The following DNLZ variants were observed in gnomAD, a reference collection of about 807,000 sequenced individuals.
DNLZ encodes the protein DNL-type zinc finger.
In DNLZ, 15 loss-of-function variants were observed where a neutral mutation model predicts 7.8. The ratio of observed to expected loss-of-function variants is 1.91; its 90% CI spans 1.28 to 2.95. The LOEUF (loss-of-function observed/expected upper bound fraction) is 2.95, where lower values mean the gene tolerates loss of function less well. Ranked by LOEUF, DNLZ falls within the 30% of genes most tolerant of loss-of-function variation. DNLZ has a pLI of 0.00. For synonymous variants in DNLZ, 123 were observed against 77.8 expected, an observed-to-expected ratio of 1.58 and a Z score of -3.05; for missense variants, 255 against 167.3, an observed-to-expected ratio of 1.52 and a Z score of -2.89.
intron 2 of DNLZ, 35 bp from the exon 3 acceptor site, chr9:136,362,215 C>A: frequency 1.4e-6 from 2 of 1,447,368 alleles, no homozygotes; most frequent in Non-Finnish European, 1.8e-6. Context: ...CTCTTCAGGG[C>A]CCCCCAGCCG....
In DNLZ at chr9:136,360,578, CA is replaced by C. The variant is rs1313222166; in HGVS notation, c.*1433del. 6.6e-6 allele frequency: 1 copy of C among 152,110 alleles called. No homozygotes were observed. Among genetic ancestry groups the C allele is most frequent in the East Asian group, 1.9e-4 (1 of 5,176 alleles). 9.4% of individuals were successfully genotyped at this position (152,110 alleles called of 1,614,324 possible). ...GGGAAGGGCGGAGGGAGACAGGGTC[CA>C]GGGGGCCTCAGGCAGGAGCTGGCGG... On this transcript the variant is annotated 3_prime_UTR_variant, in exon 3 of 3. Transcript: ENST00000371738.
chr9:136,362,872 GGT>G, intron 2 of DNLZ, 115 bp downstream of exon 2: 1 of 886,398 alleles, frequency 1.1e-6, no homozygotes, highest in Middle Eastern at 2.2e-4. Flanking sequence ...GTATTGATAA[GGT>G]GGCTGGATTT....
rs202220572 is a variant in DNLZ, at chr9:136,363,055, G to A, written c.302C>T (p.Pro101Leu). The change falls in exon 2 of 3, where the codon CCC becomes CTC. Residue 101 changes from proline to leucine, a missense_variant. Transcript: ENST00000371738. ...YHQGVVIVTC[P>L]GCQNHHIIAD... ...GATGATATGGTGGTTCTGGCAGCCG[G>A]GGCAGGTCACAATGACCACGCCTTG... is the stretch of plus-strand genomic sequence containing the variant. 6 of 1,613,766 alleles carry A rather than the reference G, an allele frequency of 3.7e-6. No homozygotes were observed. Among genetic ancestry groups the A allele is most frequent in the East Asian group, 4.5e-5 (2 of 44,888 alleles).
In DNLZ at chr9:136,359,592, G is replaced by C. The variant is rs1832945137; in HGVS notation, c.*2420C>G. On this transcript the variant is annotated 3_prime_UTR_variant, in exon 3 of 3. Coordinates refer to ENST00000371738, the MANE Select transcript of DNLZ (RefSeq NM_001080849.3). ...CTGTTTTTCCTGAAAAATAAAGTCG[G>C]CCAAGTGAGTGTGGTCCGTATGGGC... 1 of 152,402 alleles carries C rather than the reference G, an allele frequency of 6.6e-6. No individual in the cohort carries two copies. The highest frequency in any genetic ancestry group is 1.5e-5 in the Non-Finnish European group (1 of 68,074). 9.4% of individuals were successfully genotyped at this position (152,402 alleles called of 1,614,324 possible). A position where few individuals can be genotyped will look rare whatever the true frequency, so the allele number is the denominator to read the frequency against.
At chr9:136,362,790 C>A (rs938042532) in intron 2 of DNLZ, among the ~76,000 whole-genome samples, 199 bp downstream of exon 2, 1 of 152,236 alleles carries the variant, frequency 6.6e-6, no homozygotes, top group Non-Finnish European at 1.5e-5. Context: ...AAACGCACCC[C>A]CTACTTGGGG....
Position 136,363,047 on chromosome 9 carries a change from G to C in DNLZ, c.310C>G (p.Gln104Glu). Residue 104 changes from glutamine (Q) to glutamate (E), a missense_variant, in exon 2 of 3, where the codon CAG becomes GAG. By Grantham distance (29) the Gln-to-Glu change is conservative. Coordinates refer to ENST00000371738, the MANE Select transcript of DNLZ (RefSeq NM_001080849.3). Reference protein sequence around the residue: ...GVVIVTCPGCQNHHIIADNLG... With the variant: ...GVVIVTCPGCENHHIIADNLG... ...TTGTCAGCGATGATATGGTGGTTCT[G>C]GCAGCCGGGGCAGGTCACAATGACC... The C allele has an allele frequency of 6.2e-7, 1 of 1,613,806 alleles. No homozygotes were observed. The highest frequency in any genetic ancestry group is 8.5e-7 in the Non-Finnish European group (1 of 1,179,978).
In DNLZ at chr9:136,362,057, A is replaced by G; in HGVS notation, c.492T>C (p.Gly164=). 7.1e-7 allele frequency: 1 copy of G among 1,417,838 alleles called. No individual in the cohort carries two copies. The highest frequency in any genetic ancestry group is 9.3e-7 in the Non-Finnish European group (1 of 1,077,588). The allele number at this position is 1,417,838 out of a possible 1,614,324, so 87.8% of individuals were successfully genotyped here. A position where few individuals can be genotyped will look rare whatever the true frequency, so the allele number is the denominator to read the frequency against. The change falls in exon 3 of 3, where the codon GGT becomes GGC. Residue 164 remains glycine, a synonymous_variant. Coordinates refer to ENST00000371738, the MANE Select transcript of DNLZ (RefSeq NM_001080849.3). ...CAGGGCTGGGGGGACCCTCATCCTC[A>G]CCCGCTTCCGGAGCTGCAGTGGATG... ...APTSTAAPEA[G]EDEGPPSPGK...
At position 136,361,613 on chromosome 9, in the gene DNLZ, G is replaced by C. The variant is rs1564363561; in HGVS notation, c.*399C>G. On this transcript the variant is annotated 3_prime_UTR_variant, in exon 3 of 3. Transcript: ENST00000371738. Reference sequence around the variant, plus strand: ...TCACGGAAGGGAGGCCGCCAGAGCTGGCCAGGGGGGCGGCAAGGGCCTTGC... The same window carrying C: ...TCACGGAAGGGAGGCCGCCAGAGCTCGCCAGGGGGGCGGCAAGGGCCTTGC... 5.8e-6 allele frequency: 1 copy of C among 172,752 alleles called. No individual in the cohort carries two copies. Among genetic ancestry groups the C allele is most frequent in the Non-Finnish European group, 1.2e-5 (1 of 82,048 alleles). The allele number at this position is 172,752 out of a possible 1,614,324, so 10.7% of individuals were successfully genotyped here.
chr9:136,362,691 G>A lies in DNLZ; in HGVS notation c.368+298C>T, dbSNP rs549671002. 2.6e-5 allele frequency among the ~76,000 whole-genome samples: 4 copies of A among 152,326 alleles called. 1 individual carries two copies. In the South Asian group the frequency reaches 8.3e-4, roughly 32 times the overall value. On this transcript the variant is annotated intron_variant, in intron 2 of 2. Transcript: ENST00000371738. ...ATGGCAGAGGGCAAAAAAGTTCCAC[G>A]CTAGAGAGGGACAAGGCTGCCAGTG...
rs778553716 is a variant in DNLZ, at chr9:136,362,009, G to T, written c.*3C>A. 7.7e-7 allele frequency: 1 copy of T among 1,305,212 alleles called. No homozygotes were observed. The allele number at this position is 1,305,212 out of a possible 1,614,324, so 80.9% of individuals were successfully genotyped here. A position where few individuals can be genotyped will look rare whatever the true frequency, so the allele number is the denominator to read the frequency against. ...AGTCCCACAGTGCCGGGGAGCGCAG[G>T]AGTCAGCTCGGCTCCGTCTTGCCAG... On this transcript the variant is annotated 3_prime_UTR_variant, in exon 3 of 3. Coordinates refer to ENST00000371738, the MANE Select transcript of DNLZ (RefSeq NM_001080849.3).
chr9:136,362,618 A>C (rs193056378), intron 2 of DNLZ, among the ~76,000 whole-genome samples: 51 of 152,042 alleles, frequency 3.4e-4, no homozygotes, highest in African/African-American at 1.1e-3. Flanking sequence ...CCCAGGCCAC[A>C]CCTCCTGGTC....
chr9:136,360,620 C>G lies in DNLZ; in HGVS notation c.*1392G>C, dbSNP rs534078131. The G allele has an allele frequency of 2.6e-5, 4 of 151,896 alleles. No individual in the cohort carries two copies. Among genetic ancestry groups the G allele is most frequent in the African/African-American group, 9.7e-5 (4 of 41,306 alleles). 9.4% of individuals were successfully genotyped at this position (151,896 alleles called of 1,614,324 possible). On this transcript the variant is annotated 3_prime_UTR_variant, in exon 3 of 3. Transcript: ENST00000371738. The stretch of plus-strand genomic sequence containing the variant: ...GAGCTGGCGGGATGCTTCTGGCACG[C>G]GGGGGGTAGCCATAGGTCTTCTCTA...
chr9:136,363,240 C>A, intron 1 of DNLZ, 112 bp from the exon 2 acceptor site: 1 of 1,314,836 alleles, frequency 7.6e-7, no homozygotes, highest in Non-Finnish European at 1.1e-6. Context: ...GAGAAGGCCC[C>A]GCCCCCGAGG....
rs773274747 is a variant in DNLZ at position 136,362,186 on chromosome 9, G to A, written c.369-6C>T. The A allele has an allele frequency of 4.1e-6, 6 of 1,480,096 alleles. No homozygotes were observed. The highest frequency in any genetic ancestry group is 5.4e-6 in the Non-Finnish European group (6 of 1,118,572). The allele number at this position is 1,480,096 out of a possible 1,614,324, so 91.7% of individuals were successfully genotyped here. On this transcript the variant is annotated splice_region_variant and splice_polypyrimidine_tract_variant and intron_variant, in intron 2 of 2. Coordinates refer to ENST00000371738, the MANE Select transcript of DNLZ (RefSeq NM_001080849.3). Reference sequence around the variant, plus strand: ...TCAGGATCTCTTCGATATTTCTGGGGGGCAGGGAGGCAACATGGCTCTTCA... The same window carrying A: ...TCAGGATCTCTTCGATATTTCTGGGAGGCAGGGAGGCAACATGGCTCTTCA...
At position 136,361,346 on chromosome 9, in the gene DNLZ, C is replaced by T. The variant is rs191725951; in HGVS notation, c.*666G>A. On this transcript the variant is annotated 3_prime_UTR_variant, in exon 3 of 3. Coordinates refer to ENST00000371738, the MANE Select transcript of DNLZ (RefSeq NM_001080849.3). The stretch of plus-strand genomic sequence containing the variant: ...TTGCTCGCTTTCATAAACACGGGAA[C>T]ATCCTGCGCACAGACAAGGCTGGGA... 1.8e-3 allele frequency: 279 copies of T among 152,440 alleles called. 1 individual carries two copies. The highest frequency in any genetic ancestry group is 2.3e-3 in the Non-Finnish European group (159 of 68,074). 9.4% of individuals were successfully genotyped at this position (152,440 alleles called of 1,614,324 possible).
At position 136,361,740 on chromosome 9, in the gene DNLZ, T is replaced by C. The variant is rs969241779; in HGVS notation, c.*272A>G. On this transcript the variant is annotated 3_prime_UTR_variant, in exon 3 of 3. Transcript: ENST00000371738. The stretch of plus-strand genomic sequence containing the variant: ...ACATCCAGCCCCCTTTCCACGCGAC[T>C]GTGGCCTCTGTGGGCAAGAGCTGGG... 1.7e-5 allele frequency: 6 copies of C among 362,342 alleles called. No homozygotes were observed. The highest frequency in any genetic ancestry group is 1.2e-4 in the African/African-American group (6 of 48,006). The allele number at this position is 362,342 out of a possible 1,614,324, so 22.4% of individuals were successfully genotyped here. A position where few individuals can be genotyped will look rare whatever the true frequency, so the allele number is the denominator to read the frequency against.
chr9:136,363,493 G>A lies in DNLZ; in HGVS notation c.222C>T (p.Thr74=), dbSNP rs1833024219. 2.6e-6 allele frequency: 2 copies of A among 761,034 alleles called. No individual in the cohort carries two copies. The highest frequency in any genetic ancestry group is 2.6e-4 in the Middle Eastern group (1 of 3,862). The allele number at this position is 761,034 out of a possible 1,614,324, so 47.1% of individuals were successfully genotyped here. Residue 74 remains threonine, a synonymous_variant, in exon 1 of 3, where the codon ACC becomes ACT. Transcript: ENST00000371738. Reference sequence around the variant, plus strand: ...CGTCCCGCCGCGCGCCTACCTTGCAGGTGTAGACGAGCTGGTAGTGCGCCG... The same window carrying A: ...CGTCCCGCCGCGCGCCTACCTTGCAAGTGTAGACGAGCTGGTAGTGCGCCG... ...VEAAHYQLVY[T]CKVCGTRSSK... is the part of the protein sequence containing the mutation.
At position 136,363,730 on chromosome 9, in the gene DNLZ, C is replaced by G; in HGVS notation, c.-16G>C. 4.1e-6 allele frequency: 2 copies of G among 485,150 alleles called. No homozygotes were observed. Among genetic ancestry groups the G allele is most frequent in the South Asian group, 5.5e-5 (2 of 36,232 alleles). 30.1% of individuals were successfully genotyped at this position (485,150 alleles called of 1,614,324 possible). A position where few individuals can be genotyped will look rare whatever the true frequency, so the allele number is the denominator to read the frequency against. ...TCCGCAGCATCCCGCTCGCCGGCTC[C>G]GTCCGCCCTGCCCCGGCCCCGCCCC... On this transcript the variant is annotated 5_prime_UTR_variant, in exon 1 of 3. Transcript: ENST00000371738.
rs370438651 is a variant in DNLZ at position 136,362,018 on chromosome 9, C to T, written c.531G>A (p.Pro177=). Residue 177 remains proline (P), a synonymous_variant, in exon 3 of 3, where the codon CCG becomes CCA. Transcript: ENST00000371738. The part of the protein sequence containing the change: ...EGPPSPGKTE[P]S ...GTGCCGGGGAGCGCAGGAGTCAGCT[C>T]GGCTCCGTCTTGCCAGGGCTGGGGG... 533 of 1,317,614 alleles carry T rather than the reference C, an allele frequency of 4.0e-4. No homozygotes were observed. Among genetic ancestry groups the T allele is most frequent in the East Asian group, 1.5e-3 (52 of 34,128 alleles). The allele number at this position is 1,317,614 out of a possible 1,614,324, so 81.6% of individuals were successfully genotyped here.
Sources: gnomAD v4.1 joint callset for allele counts (sites outside exome capture counted in the v4.1 genomes callset) on GRCh38, gnomAD v4.1.1 for gene constraint, MANE v1.5 for transcripts, NCBI Gene and HGNC (gene_info 2026-07-23, HGNC 2026-07-21) for gene names.